The following STK32C variants were observed in gnomAD, a reference collection of about 807,000 sequenced individuals.
STK32C encodes serine/threonine-protein kinase 32C.
STK32C carries 31 observed loss-of-function variants against 56.5 expected under a neutral mutation model. The observed-to-expected ratio is 0.55, with a 90% CI of 0.41 to 0.74. STK32C has a LOEUF of 0.74. Ranked by LOEUF, STK32C falls within the 30% of genes least tolerant of loss-of-function variation. STK32C has a pLI of 0.00. For synonymous variants in STK32C, 309 were observed against 289.4 expected (o/e 1.07, Z -0.69); for missense variants, 544 against 676.9 (o/e 0.80, Z 2.18).
chr10:132,302,506 G>A (rs994289479), intron 1 of STK32C, among the ~76,000 whole-genome samples: 18 of 152,158 alleles, frequency 1.2e-4, no homozygotes, highest in African/African-American at 3.4e-4. Flanking sequence ...ACATGTGACG[G>A]GGTGCCCGGC....
intron 1 of STK32C, chr10:132,249,144 AGG>A (rs766500611): frequency 6.7e-6 from 1 of 148,248 alleles, no homozygotes; most frequent in Non-Finnish European, 1.4e-5. Flanking sequence ...CAGGGCGTGC[AGG>A]GGGCGGGGCG....
intron 1 of STK32C, among the ~76,000 whole-genome samples, chr10:132,247,530 C>T (rs1205916667): frequency 6.6e-6 from 1 of 152,080 alleles, no homozygotes; most frequent in African/African-American, 2.4e-5. Context: ...GGGGAGAGGA[C>T]GCCTGTGCTG....
intron 1 of STK32C, among the ~76,000 whole-genome samples, chr10:132,325,572 T>C (rs1269389403): frequency 6.8e-6 from 1 of 147,476 alleles, no homozygotes; most frequent in East Asian, 2.0e-4. Flanking sequence ...AAAGGGGGAG[T>C]TCCCTGCACA....
intron 11 of STK32C, 113 bp from the exon 12 acceptor site, chr10:132,208,264 G>A: frequency 8.3e-7 from 1 of 1,200,876 alleles, no homozygotes; most frequent in Non-Finnish European, 1.1e-6. Flanking sequence ...GCCCAAACGT[G>A]GGCCACAGGC....
chr10:132,243,803 C>A (rs569770976), intron 2 of STK32C, among the ~76,000 whole-genome samples: 2 of 146,924 alleles, frequency 1.4e-5, no homozygotes, highest in Non-Finnish European at 2.9e-5. Context: ...CCCGGTCAGA[C>A]TCTAAATGCT....
intron 1 of STK32C, among the ~76,000 whole-genome samples, chr10:132,276,031 C>G (rs1007426256): frequency 3.9e-5 from 6 of 152,198 alleles, no homozygotes; most frequent in African/African-American, 1.2e-4. Context: ...CAAGCCGCCA[C>G]ACCACCAGGC....
chr10:132,284,177 G>A (rs1042397237), intron 1 of STK32C, among the ~76,000 whole-genome samples: 5 of 151,656 alleles, frequency 3.3e-5, no homozygotes, highest in African/African-American at 4.9e-5. Flanking sequence ...GCATCCACCC[G>A]TGCCTGAGGT....
In STK32C at chr10:132,302,478, C is replaced by T. The variant is rs139016590; in HGVS notation, c.262+5094G>A. 7.1e-3 allele frequency among the ~76,000 whole-genome samples: 1,083 copies of T among 152,278 alleles called. 12 individuals are homozygous for T. Among genetic ancestry groups the T allele is most frequent in the African/African-American group, 0.024 (1,010 of 41,552 alleles). On this transcript the variant is annotated intron_variant, in intron 1 of 11. Transcript: ENST00000298630. Reference sequence around the variant, plus strand: ...GGACACCCGGTGCTGGGCCCAGAACCGGGGAAGCCAGGAGCAAACATGTGA... The same window carrying T: ...GGACACCCGGTGCTGGGCCCAGAACTGGGGAAGCCAGGAGCAAACATGTGA...
chr10:132,290,777 T>C lies in STK32C; in HGVS notation c.262+16795A>G, dbSNP rs527373885. Among the ~76,000 whole-genome samples, 12 of 151,992 alleles carry C rather than the reference T, an allele frequency of 7.9e-5. No homozygotes were observed. In the East Asian group the frequency reaches 1.4e-3, roughly 17 times the overall value. Reference sequence around the variant, plus strand: ...AGGGCCACCACATCCAGGGCCATCATACCCAAGGCCACCACATCCAGGGCC... The same window carrying C: ...AGGGCCACCACATCCAGGGCCATCACACCCAAGGCCACCACATCCAGGGCC... On this transcript the variant is annotated intron_variant, in intron 1 of 11. Coordinates refer to ENST00000298630, the MANE Select transcript of STK32C (RefSeq NM_173575.4).
chr10:132,240,425 AG>A (rs929791692), intron 2 of STK32C, among the ~76,000 whole-genome samples: 64 of 152,192 alleles, frequency 4.2e-4, no homozygotes, highest in African/African-American at 1.5e-3. Context: ...GAGACGGCAC[AG>A]GGGGCCCAGG....
At chr10:132,264,580 A>G (rs997080082) in intron 1 of STK32C, among the ~76,000 whole-genome samples, 8 of 152,214 alleles carry the variant, frequency 5.3e-5, no homozygotes, top group African/African-American at 1.9e-4. Flanking sequence ...GGACCCCTCC[A>G]GGACCCTCTC....
chr10:132,297,453 T>A (rs1466467517), intron 1 of STK32C, among the ~76,000 whole-genome samples: 1 of 152,220 alleles, frequency 6.6e-6, no homozygotes, highest in Non-Finnish European at 1.5e-5. Context: ...CGGTACTAGC[T>A]GGGCCACGCA....
chr10:132,315,367 T>G (rs2138440249), intron 1 of STK32C, among the ~76,000 whole-genome samples: 1 of 152,078 alleles, frequency 6.6e-6, no homozygotes, highest in South Asian at 2.1e-4. Context: ...ACCTAATGCA[T>G]GTGGGGCTTA....
chr10:132,311,287 G>T (rs778179086), upstream of STK32C, among the ~76,000 whole-genome samples: 2 of 152,180 alleles, frequency 1.3e-5, no homozygotes, highest in Non-Finnish European at 2.9e-5. This position sits in a 1 kb window ranked among gnomAD's most constrained non-coding sequence, Gnocchi z 4.4. Context: ...GCTGTTTCCT[G>T]CTGGAAAACA....
intron 1 of STK32C, among the ~76,000 whole-genome samples, chr10:132,282,793 G>T (rs934592626): frequency 1.3e-5 from 2 of 152,264 alleles, no homozygotes; most frequent in African/African-American, 4.8e-5. Flanking sequence ...TGGGGAACCG[G>T]CCAGAAGTGA....
intron 1 of STK32C, among the ~76,000 whole-genome samples, chr10:132,326,410 C>T (rs1386655667): frequency 4.6e-5 from 7 of 152,216 alleles, no homozygotes; most frequent in Admixed American, 1.3e-4. Context: ...CGGCTCACTA[C>T]AACCTCCACC....
At chr10:132,254,776 C>A (rs1341091790) in intron 1 of STK32C, among the ~76,000 whole-genome samples, 1 of 151,898 alleles carries the variant, frequency 6.6e-6, no homozygotes, top group Non-Finnish European at 1.5e-5. Flanking sequence ...ACTATGTCAC[C>A]CCGGCACAAT....
At chr10:132,249,023 T>C in intron 1 of STK32C, 1 of 469,724 alleles carries the variant, frequency 2.1e-6, no homozygotes. Context: ...ACCTGCGCCC[T>C]GCACACCTGC....
intron 10 of STK32C, among the ~76,000 whole-genome samples, chr10:132,219,695 G>C (rs571746462): frequency 6.6e-6 from 1 of 152,126 alleles, no homozygotes; most frequent in Non-Finnish European, 1.5e-5. Flanking sequence ...CAGGGCTGCC[G>C]GCAGCCGTCC....
Sources: gnomAD v4.1 joint callset for allele counts (sites outside exome capture counted in the v4.1 genomes callset) on GRCh38, gnomAD v4.1.1 for gene constraint, Gnocchi (gnomAD v3.1) non-coding constraint, MANE v1.5 for transcripts, NCBI Gene and HGNC (gene_info 2026-07-23, HGNC 2026-07-21) for gene names.